The following LINGO2 variants were observed in gnomAD, a reference collection of about 807,000 sequenced individuals.
LINGO2 encodes the protein leucine-rich repeat and immunoglobulin-like domain-containing nogo receptor-interacting protein 2.
LINGO2 carries 14 observed loss-of-function variants against 30.6 expected under a neutral mutation model. The observed-to-expected ratio is 0.46, with a 90% CI of 0.30 to 0.72. LINGO2 has a LOEUF of 0.72. LINGO2 is among the 30% of genes least tolerant of loss of function. The pLI is 0.07. For missense variants in LINGO2, 729 were observed against 751.7 expected (o/e 0.97, Z 0.35); for synonymous variants, 317 against 288.5 (o/e 1.10, Z -1.00).
chr9:28,973,284 C>G, the LINGO2 span, among the ~76,000 whole-genome samples: 1 of 152,060 alleles, frequency 6.6e-6, no homozygotes, highest in Non-Finnish European at 1.5e-5. Flanking sequence ...CTAAAAACAG[C>G]AAGAGAAAAG....
chr9:28,266,935 C>T (rs964563505), intron 4 of LINGO2, among the ~76,000 whole-genome samples: 4 of 151,880 alleles, frequency 2.6e-5, no homozygotes, highest in African/African-American at 4.8e-5. Context: ...AGCTGTGCCC[C>T]GCTGTACATC....
the LINGO2 span, among the ~76,000 whole-genome samples, chr9:28,955,691 G>A: frequency 6.6e-6 from 1 of 152,200 alleles, no homozygotes; most frequent in East Asian, 1.9e-4. Flanking sequence ...TGAATCTTCA[G>A]GAGAACTAAA....
At chr9:29,071,513 ATATATG>A in the LINGO2 span, among the ~76,000 whole-genome samples, 3,497 of 83,068 alleles carry the variant, frequency 0.042, 77 homozygotes, top group African/African-American at 0.08. Flanking sequence ...ATATATATAT[ATATATG>A]TATATGTATA....
the LINGO2 span, among the ~76,000 whole-genome samples, chr9:28,986,291 T>A: frequency 1.3e-5 from 2 of 152,056 alleles, no homozygotes; most frequent in Non-Finnish European, 2.9e-5. Flanking sequence ...ATTATAATAG[T>A]TTAAATTCAG....
chr9:29,054,829 G>A, the LINGO2 span, among the ~76,000 whole-genome samples: 2 of 152,000 alleles, frequency 1.3e-5, no homozygotes, highest in African/African-American at 4.8e-5. Context: ...AATAAGCAGA[G>A]ATAATGAAAA....
At chr9:28,504,064 T>C (rs1820001668) in intron 1 of LINGO2, among the ~76,000 whole-genome samples, 1 of 151,930 alleles carries the variant, frequency 6.6e-6, no homozygotes, top group African/African-American at 2.4e-5. Flanking sequence ...AGGTCAGATC[T>C]ATAGTGCCTA....
intron 4 of LINGO2, among the ~76,000 whole-genome samples, chr9:28,187,430 C>T (rs550857697): frequency 6.7e-6 from 1 of 149,838 alleles, no homozygotes; most frequent in East Asian, 2.0e-4. Context: ...ACGGAGGTTG[C>T]AGTGAGCTGA....
the LINGO2 span, chr9:28,888,929 G>A: frequency 9.4e-6 from 5 of 533,334 alleles, no homozygotes; most frequent in Non-Finnish European, 1.9e-5. Flanking sequence ...TTCAATAGGA[G>A]ACTCACAAGT....
At chr9:28,790,567 G>A in the LINGO2 span, among the ~76,000 whole-genome samples, 1 of 150,516 alleles carries the variant, frequency 6.6e-6, no homozygotes, top group African/African-American at 2.4e-5. Context: ...ATCTCCTGAC[G>A]TCGTGATCCA....
At chr9:28,289,486 C>T (rs1040625873) in intron 4 of LINGO2, among the ~76,000 whole-genome samples, 1 of 152,124 alleles carries the variant, frequency 6.6e-6, no homozygotes, top group African/African-American at 2.4e-5. Context: ...TTTCCCCATA[C>T]TTATGACTTA....
the LINGO2 span, among the ~76,000 whole-genome samples, chr9:28,848,342 GTATA>G: frequency 9.5e-6 from 1 of 104,752 alleles, no homozygotes; most frequent in Non-Finnish European, 1.8e-5. Flanking sequence ...CATATATAGT[GTATA>G]TATATATACA....
Position 28,148,877 on chromosome 9 carries a change from G to C in LINGO2, c.-86-136472C>G. Reference sequence around the variant, plus strand: ...TCCAGGCTTGCTGATGGTGGGGGAGGACATGCAGCCCAAGGATCCTGCAGC... The same window carrying C: ...TCCAGGCTTGCTGATGGTGGGGGAGCACATGCAGCCCAAGGATCCTGCAGC... On this transcript the variant is annotated intron_variant, in intron 4 of 5. Transcript: ENST00000379992. The surrounding 1 kb of genome is among the most constrained non-coding windows in gnomAD (Gnocchi z 5.1). The C allele has an allele frequency of 6.5e-7, 1 of 1,533,784 alleles. No homozygotes were observed. Among genetic ancestry groups the C allele is most frequent in the Non-Finnish European group, 8.7e-7 (1 of 1,146,534 alleles).
intron 1 of LINGO2, among the ~76,000 whole-genome samples, chr9:28,586,394 G>C (rs1011773457): frequency 6.6e-6 from 1 of 151,786 alleles, no homozygotes; most frequent in African/African-American, 2.4e-5. Context: ...ATTAATTTTA[G>C]GCATTGAATT....
In LINGO2 at chr9:28,158,264, G is replaced by A. The variant is rs1041237181; in HGVS notation, c.-87+136944C>T. Among the ~76,000 whole-genome samples, 11 of 152,094 alleles carry A rather than the reference G, an allele frequency of 7.2e-5. No individual in the cohort carries two copies. In the East Asian group the frequency reaches 2.1e-3, roughly 29 times the overall value. On this transcript the variant is annotated intron_variant, in intron 4 of 5. Transcript: ENST00000379992. The stretch of plus-strand genomic sequence containing the variant: ...TCAGATCTCATGAGACTTATTCGCT[G>A]TCACGAGAACAGCACGGGAAAGGCT...
chr9:27,950,745 G>A (rs777171300), intron 5 of LINGO2, 39 bp from the exon 7 acceptor site: 3 of 1,227,982 alleles, frequency 2.4e-6, no homozygotes, highest in African/African-American at 3.0e-5. Context: ...AAGAGAAGGT[G>A]AGTTAGGATA....
At chr9:28,754,654 G>C in the LINGO2 span, among the ~76,000 whole-genome samples, 1 of 148,108 alleles carries the variant, frequency 6.8e-6, no homozygotes, top group Non-Finnish European at 1.5e-5. Context: ...TTTTTGAGAT[G>C]GAGTCTCGCT....
intron 5 of LINGO2, among the ~76,000 whole-genome samples, chr9:27,962,540 C>A (rs182581380): frequency 9.2e-5 from 14 of 152,272 alleles, no homozygotes; most frequent in Admixed American, 2.6e-4. Context: ...ACATCTGGAA[C>A]TGCTCCCCCC....
the LINGO2 span, among the ~76,000 whole-genome samples, chr9:28,903,502 G>T: frequency 6.6e-6 from 1 of 151,958 alleles, no homozygotes; most frequent in Non-Finnish European, 1.5e-5. Flanking sequence ...TAGAGACAGG[G>T]TCTCCCTCTG....
intron 4 of LINGO2, among the ~76,000 whole-genome samples, chr9:28,254,624 C>A (rs966695277): frequency 5.9e-5 from 9 of 152,044 alleles, no homozygotes; most frequent in African/African-American, 2.2e-4. Flanking sequence ...TCATATCCAT[C>A]TTTTAACTTA....
Sources: allele counts gnomAD v4.1 joint callset (sites outside exome capture counted in the v4.1 genomes callset), GRCh38; gene constraint gnomAD v4.1.1; non-coding constraint Gnocchi (gnomAD v3.1); transcripts MANE v1.5; gene names NCBI Gene and HGNC (gene_info 2026-07-23, HGNC 2026-07-21).